The following PRIM2 variants were observed in gnomAD, a reference collection of about 807,000 sequenced individuals.
PRIM2 encodes DNA primase subunit 2.
In PRIM2, 39 loss-of-function variants were observed where a neutral mutation model predicts 67.3. That is an observed-to-expected ratio of 0.58 (90% CI 0.45 to 0.76). PRIM2 has a LOEUF of 0.76. Ranked by LOEUF, PRIM2 falls within the 30% of genes least tolerant of loss-of-function variation. The pLI is 0.00. For missense variants in PRIM2, 398 were observed against 598.7 expected, an observed-to-expected ratio of 0.66 and a Z score of 3.50; for synonymous variants, 143 against 198.7, an observed-to-expected ratio of 0.72 and a Z score of 2.36.
intron 8 of PRIM2, among the ~76,000 whole-genome samples, chr6:57,530,238 A>G (rs1282594272): frequency 1.3e-5 from 2 of 152,214 alleles, no homozygotes; most frequent in Non-Finnish European, 2.9e-5. Flanking sequence ...TTTCAATTCA[A>G]GTTTACATAG....
the PRIM2 span, among the ~76,000 whole-genome samples, chr6:57,279,943 T>C: frequency 6.6e-6 from 1 of 152,130 alleles, no homozygotes; most frequent in Non-Finnish European, 1.5e-5. Flanking sequence ...AGACACCCTA[T>C]ACCATGAAGT....
the PRIM2 span, among the ~76,000 whole-genome samples, chr6:57,256,536 T>G: frequency 6.6e-6 from 1 of 152,138 alleles, no homozygotes; most frequent in Non-Finnish European, 1.5e-5. Flanking sequence ...GGCTCTAAAT[T>G]CTGTGCTTTT....
intron 5 of PRIM2, among the ~76,000 whole-genome samples, chr6:57,370,705 T>TC (rs970018929): frequency 1.3e-5 from 2 of 150,098 alleles, no homozygotes; most frequent in Non-Finnish European, 3.0e-5. Context: ...TTTTTTTTTT[T>TC]TTTTTTTGAG....
chr6:57,326,234 A>G (rs1458267861), intron 5 of PRIM2, 189 bp downstream of exon 5: 17 of 514,338 alleles, frequency 3.3e-5, no homozygotes, highest in Non-Finnish European at 4.6e-5. Context: ...GGACTCCTTA[A>G]TAACAAAGTC....
chr6:57,331,789 CT>C (rs531614943), intron 5 of PRIM2, among the ~76,000 whole-genome samples: 1,824 of 150,696 alleles, frequency 0.012, 139 homozygotes, highest in Admixed American at 0.11. Context: ...AGAGTCTTCT[CT>C]TTTTTTTTGT....
chr6:57,534,302 C>T (rs1330421092), intron 9 of PRIM2, among the ~76,000 whole-genome samples: 1 of 152,026 alleles, frequency 6.6e-6, no homozygotes, highest in Non-Finnish European at 1.5e-5. Flanking sequence ...TGTTGCTATT[C>T]GACCCCCTCC....
intron 7 of PRIM2, among the ~76,000 whole-genome samples, chr6:57,394,397 T>C (rs9382724): frequency 6.6e-6 from 1 of 151,976 alleles, no homozygotes; most frequent in African/African-American, 2.4e-5. Context: ...AGGTATATTC[T>C]TAAGTATTTT....
intron 4 of PRIM2, among the ~76,000 whole-genome samples, chr6:57,325,271 C>T (rs1767806251): frequency 1.3e-5 from 2 of 151,084 alleles, no homozygotes; most frequent in South Asian, 2.1e-4. Context: ...CCCATTTCCC[C>T]ATTTTCTTTT....
chr6:57,488,856 G>A lies in PRIM2; in HGVS notation c.694-18531G>A, dbSNP rs1281167413. Among the ~76,000 whole-genome samples the A allele has an allele frequency of 7.2e-5, 11 of 152,228 alleles. No homozygotes were observed. The East Asian group carries it at 7.7e-4, about 11-fold the overall frequency. ...GTTGTGGGTGTGCCCTCATCCCCTC[G>A]TGCTACAGATGAACAACCCTGTTCT... On this transcript the variant is annotated intron_variant, in intron 7 of 13. Coordinates refer to ENST00000615550, the MANE Select transcript of PRIM2 (RefSeq NM_000947.5).
At chr6:57,314,269 C>T (rs1435515054), upstream of PRIM2, among the ~76,000 whole-genome samples, 3 of 152,180 alleles carry the variant, frequency 2.0e-5, no homozygotes, top group African/African-American at 7.2e-5. Context: ...AATCCCAGCA[C>T]TTAGGGAGGC....
At chr6:57,603,002 T>C (rs1290664384) in intron 11 of PRIM2, among the ~76,000 whole-genome samples, 2 of 152,304 alleles carry the variant, frequency 1.3e-5, no homozygotes, top group Middle Eastern at 3.4e-3. Flanking sequence ...TGAACCTACA[T>C]TGACAAATCC....
the PRIM2 span, among the ~76,000 whole-genome samples, chr6:57,281,313 C>A: frequency 6.6e-6 from 1 of 152,160 alleles, no homozygotes; most frequent in East Asian, 1.9e-4. Flanking sequence ...TGTATATATA[C>A]CCAGCAGTGG....
intron 7 of PRIM2, among the ~76,000 whole-genome samples, chr6:57,425,491 A>G (rs1771593042): frequency 6.6e-6 from 1 of 152,222 alleles, no homozygotes; most frequent in African/African-American, 2.4e-5. Context: ...CTGGGATTAC[A>G]GGCGTGAGCC....
chr6:57,384,492 A>G (rs10085240), intron 7 of PRIM2, among the ~76,000 whole-genome samples: 7,185 of 152,274 alleles, frequency 0.047, 316 homozygotes, highest in African/African-American at 0.11. Context: ...AAATAAGGTC[A>G]CATTCTGAGG....
At chr6:57,644,601 CT>C (rs1384991922) in intron 13 of PRIM2, among the ~76,000 whole-genome samples, 1 of 152,190 alleles carries the variant, frequency 6.6e-6, no homozygotes, top group Non-Finnish European at 1.5e-5. Flanking sequence ...AAAATTATCA[CT>C]GGTATACACT....
Position 57,633,505 on chromosome 6 carries a change from C to T in PRIM2, c.1299+1304C>T, listed in dbSNP as rs1165039555. Reference sequence around the variant, plus strand: ...GGTTATATAATTGCAGAATTTCTTACTTGATAAAATATCTCATAGGAAAAA... The same window carrying T: ...GGTTATATAATTGCAGAATTTCTTATTTGATAAAATATCTCATAGGAAAAA... On this transcript the variant is annotated intron_variant, in intron 13 of 13. Transcript: ENST00000615550. Among the ~76,000 whole-genome samples the T allele has an allele frequency of 3.9e-5, 6 of 152,144 alleles. No homozygotes were observed. In the South Asian group the frequency reaches 6.2e-4, roughly 16 times the overall value.
intron 5 of PRIM2, among the ~76,000 whole-genome samples, chr6:57,374,273 C>CTATTTATTTATTTATT (rs60492288): frequency 0.045 from 5,977 of 131,986 alleles, 206 homozygotes; most frequent in Non-Finnish European, 0.055. Flanking sequence ...TATAGGAATG[C>CTATTTATTTATTTATT]TATTTATTTA....
At chr6:57,401,375 G>A (rs73749243) in intron 7 of PRIM2, among the ~76,000 whole-genome samples, 2 of 152,156 alleles carry the variant, frequency 1.3e-5, no homozygotes, top group Non-Finnish European at 2.9e-5. Context: ...TAAGAGGAGG[G>A]TATATTAGCA....
At chr6:57,529,003 G>A (rs1473868595) in intron 8 of PRIM2, among the ~76,000 whole-genome samples, 6 of 152,158 alleles carry the variant, frequency 3.9e-5, no homozygotes, top group African/African-American at 1.2e-4. Context: ...CCAGTTTGCA[G>A]AACTGGTATT....
Sources: allele counts gnomAD v4.1 joint callset (sites outside exome capture counted in the v4.1 genomes callset), GRCh38; gene constraint gnomAD v4.1.1; transcripts MANE v1.5; gene names NCBI Gene and HGNC (gene_info 2026-07-23, HGNC 2026-07-21).